Variants in KLHL5 observed in about 807,000 individuals in gnomAD.
The protein encoded by KLHL5 is kelch-like protein 5.
KLHL5 carries 48 observed loss-of-function variants against 77.7 expected under a neutral mutation model. The ratio of observed to expected loss-of-function variants is 0.62; its 90% CI spans 0.49 to 0.79. KLHL5 has a LOEUF of 0.79. Among genes scored for constraint, KLHL5 ranks in the 30% least tolerant of loss-of-function variants. KLHL5 has a pLI of 0.00. For synonymous variants in KLHL5, 260 were observed against 297.0 expected (o/e 0.88, Z 1.28); for missense variants, 723 against 859.7 (o/e 0.84, Z 1.99).
At position 39,047,527 on chromosome 4, in the gene KLHL5, T is replaced by A. The variant is rs558088791; in HGVS notation, c.-95+2431T>A. ...AAGCAAAGAGTTGAAGTTAGCCAAT[T>A]TGTTAAGGACCAAAGTGAAGATAAT... is the stretch of plus-strand genomic sequence containing the variant. On this transcript the variant is annotated intron_variant, in intron 1 of 11. Transcript: ENST00000261425. Among the ~76,000 whole-genome samples the A allele has an allele frequency of 2.0e-5, 3 of 152,372 alleles. No homozygotes were observed. In the South Asian group the frequency reaches 6.2e-4, roughly 32 times the overall value.
chr4:39,113,562 T>G (rs542207481), intron 9 of KLHL5, among the ~76,000 whole-genome samples: 1 of 152,300 alleles, frequency 6.6e-6, no homozygotes, highest in African/African-American at 2.4e-5. Flanking sequence ...TTTCTATGTG[T>G]TTTGATATGA....
chr4:39,062,350 C>T lies in KLHL5; in HGVS notation c.-303C>T. ...GTCAGTGTTTGTGAGACCTAATGGT[C>T]AGTATGGGAAAGGAGAGCCGGGAAA... On this transcript the variant is annotated 5_prime_UTR_variant, in exon 1 of 11. It introduces an in-frame stop codon into an upstream open reading frame of the 5' UTR. Transcript: ENST00000504108. The T allele has an allele frequency of 7.0e-7, 1 of 1,425,274 alleles. No homozygotes were observed. The highest frequency in any genetic ancestry group is 9.1e-7 in the Non-Finnish European group (1 of 1,095,724). The allele number at this position is 1,425,274 out of a possible 1,614,324, so 88.3% of individuals were successfully genotyped here.
At chr4:39,072,115 G>T (rs150110680) in intron 1 of KLHL5, among the ~76,000 whole-genome samples, 1 of 152,042 alleles carries the variant, frequency 6.6e-6, no homozygotes, top group Non-Finnish European at 1.5e-5. Flanking sequence ...ATGAAATTTA[G>T]TTATAAAAAA....
At chr4:39,076,271 C>A in intron 2 of KLHL5, 124 bp downstream of exon 2, 2 of 806,892 alleles carry the variant, frequency 2.5e-6, no homozygotes, top group South Asian at 1.8e-5. Flanking sequence ...CATGGAATTT[C>A]CATCAAGAAA....
chr4:39,059,276 A>G (rs936428288), upstream of KLHL5, among the ~76,000 whole-genome samples: 1 of 152,188 alleles, frequency 6.6e-6, no homozygotes, highest in African/African-American at 2.4e-5. Context: ...CTACAGATCA[A>G]GAAGATAAAG....
rs778353056 is a variant in KLHL5 at position 39,086,599 on chromosome 4, A to G, written c.985A>G (p.Met329Val). Residue 329 changes from methionine to valine, a missense_variant, in exon 5 of 11, where the codon ATG (methionine) becomes GTG (valine). By Grantham distance (21) the Met-to-Val change is conservative (BLOSUM62 1). Coordinates refer to ENST00000504108, the MANE Select transcript of KLHL5 (RefSeq NM_015990.5). ...EIAKLLASDD[M>V]NIPNEETILN... ...TGCAAAGCTCTTGGCTAGTGATGAC[A>G]TGAACATTCCTAATGAGGAGACAAT... 6.2e-7 allele frequency: 1 copy of G among 1,613,980 alleles called. No individual in the cohort carries two copies.
rs1389103761 is a variant in KLHL5, at chr4:39,124,481, T to G, written c.*3415T>G. On this transcript the variant is annotated 3_prime_UTR_variant, in exon 11 of 11. Transcript: ENST00000504108. Reference sequence around the variant, plus strand: ...TATAAAAATATATAAAGCAATAGAGTAGAATGGAAAGTCCAGAAACAAATT... The same window carrying G: ...TATAAAAATATATAAAGCAATAGAGGAGAATGGAAAGTCCAGAAACAAATT... Among the ~76,000 whole-genome samples the G allele has an allele frequency of 6.6e-6, 1 of 151,678 alleles. No individual in the cohort carries two copies. The highest frequency in any genetic ancestry group is 1.5e-5 in the Non-Finnish European group (1 of 67,872).
chr4:39,116,653 T>C (rs1264278560), intron 10 of KLHL5, among the ~76,000 whole-genome samples: 2 of 125,484 alleles, frequency 1.6e-5, no homozygotes, highest in Non-Finnish European at 3.6e-5. Context: ...TAATACGTAT[T>C]GAAGTATGAC....
chr4:39,073,811 A>AT (rs1339699563), intron 1 of KLHL5, among the ~76,000 whole-genome samples: 53 of 138,484 alleles, frequency 3.8e-4, no homozygotes, highest in Non-Finnish European at 6.2e-4. Context: ...CGCCCAGCTA[A>AT]TTTTTTTTTT....
At chr4:39,140,122 G>C in the KLHL5 span, among the ~76,000 whole-genome samples, 23 of 152,206 alleles carry the variant, frequency 1.5e-4, no homozygotes, top group South Asian at 1.5e-3. Context: ...AGCTACTTGG[G>C]GGGGGCTGGG....
At chr4:39,058,308 G>T (rs1369262853), upstream of KLHL5, among the ~76,000 whole-genome samples, 1 of 152,156 alleles carries the variant, frequency 6.6e-6, no homozygotes, top group Non-Finnish European at 1.5e-5. Context: ...GAATAACATT[G>T]TGATTTTTCT....
At chr4:39,118,225 T>A (rs1213841588) in intron 10 of KLHL5, among the ~76,000 whole-genome samples, 15 of 152,016 alleles carry the variant, frequency 9.9e-5, no homozygotes, top group Non-Finnish European at 2.2e-4. Context: ...CCCTATAAGG[T>A]TGAGTTCTGG....
chr4:39,137,525 G>A, the KLHL5 span, among the ~76,000 whole-genome samples: 1 of 152,144 alleles, frequency 6.6e-6, no homozygotes, highest in Non-Finnish European at 1.5e-5. Context: ...TTGGGAGGCT[G>A]AGGTGGGAAG....
chr4:39,075,559 G>T (rs897423992), intron 1 of KLHL5, among the ~76,000 whole-genome samples: 1 of 152,026 alleles, frequency 6.6e-6, no homozygotes, highest in Non-Finnish European at 1.5e-5. Flanking sequence ...ACTTGAATTT[G>T]TATTTCCAAA....
At chr4:39,078,236 A>G (rs1719263857) in intron 2 of KLHL5, among the ~76,000 whole-genome samples, 1 of 152,008 alleles carries the variant, frequency 6.6e-6, no homozygotes, top group South Asian at 2.1e-4. Context: ...AAATACAAAA[A>G]TTAGCCCGGT....
At chr4:39,061,498 T>C (rs1390530780), upstream of KLHL5, among the ~76,000 whole-genome samples, 1 of 152,226 alleles carries the variant, frequency 6.6e-6, no homozygotes, top group Non-Finnish European at 1.5e-5. Flanking sequence ...GGAACCAAGA[T>C]ATATATATCT....
intron 10 of KLHL5, among the ~76,000 whole-genome samples, chr4:39,116,663 C>T (rs996337917): frequency 9.4e-6 from 1 of 105,844 alleles, no homozygotes; most frequent in Non-Finnish European, 2.3e-5. Flanking sequence ...TGAAGTATGA[C>T]TGGTTATAGG....
At chr4:39,068,528 C>T (rs545659566) in intron 1 of KLHL5, among the ~76,000 whole-genome samples, 4 of 151,576 alleles carry the variant, frequency 2.6e-5, no homozygotes, top group Admixed American at 1.3e-4. Context: ...TATGCTGCAT[C>T]CATCAAAGTT....
At chr4:39,069,034 A>C (rs1718160127) in intron 1 of KLHL5, among the ~76,000 whole-genome samples, 1 of 152,208 alleles carries the variant, frequency 6.6e-6, no homozygotes, top group South Asian at 2.1e-4. Context: ...TCACAAGTTC[A>C]TTCAGAGACC....
Sources: gnomAD v4.1 joint callset for allele counts (sites outside exome capture counted in the v4.1 genomes callset) on GRCh38, gnomAD v4.1.1 for gene constraint, MANE v1.5 for transcripts, NCBI Gene and HGNC (gene_info 2026-07-23, HGNC 2026-07-21) for gene names.